Variants in CUBN observed in about 807,000 individuals in gnomAD.
CUBN encodes cubilin, also known as 460 kDa receptor.
A neutral mutation model predicts 405.3 loss-of-function variants in CUBN; 282 were observed. That is an observed-to-expected ratio of 0.70 (90% confidence interval 0.63 to 0.77). CUBN has a LOEUF of 0.77. CUBN is among the 30% of genes least tolerant of loss of function. The pLI is 0.00. For missense variants in CUBN, 4,514 were observed against 4,475.2 expected, an observed-to-expected ratio of 1.01 and a Z score of -0.25; for synonymous variants, 1,684 against 1,617.0, an observed-to-expected ratio of 1.04 and a Z score of -0.99.
intron 50 of CUBN, among the ~76,000 whole-genome samples, chr10:16,904,834 G>A (rs1009319705): frequency 2.6e-5 from 4 of 152,184 alleles, no homozygotes; most frequent in Non-Finnish European, 4.4e-5. Flanking sequence ...ACAAGCCGGT[G>A]GTTTTGAAAC....
chr10:17,052,235 A>G (rs1356975805), intron 22 of CUBN, among the ~76,000 whole-genome samples: 5 of 152,222 alleles, frequency 3.3e-5, no homozygotes, highest in Admixed American at 2.6e-4. Flanking sequence ...TTAGACAAAC[A>G]GAAGCTGACA....
At chr10:16,891,870 CA>C (rs1841019491) in intron 54 of CUBN, among the ~76,000 whole-genome samples, 1 of 152,002 alleles carries the variant, frequency 6.6e-6, no homozygotes, top group Non-Finnish European at 1.5e-5. Context: ...GGGTAGGGGC[CA>C]GGACTATTGC....
chr10:17,127,612 CCTA>C (rs1197665065), intron 3 of CUBN, among the ~76,000 whole-genome samples: 5 of 152,006 alleles, frequency 3.3e-5, no homozygotes, highest in Non-Finnish European at 7.4e-5. Flanking sequence ...CAGCCCAAGG[CCTA>C]CTTCTGCAAC....
chr10:16,908,922 C>T (rs113795872), intron 48 of CUBN, among the ~76,000 whole-genome samples: 15 of 136,498 alleles, frequency 1.1e-4, no homozygotes, highest in African/African-American at 3.5e-4. Context: ...GTCGCCCAGG[C>T]GGGACTGCGG....
chr10:16,905,463 T>C (rs1249449216), intron 50 of CUBN, among the ~76,000 whole-genome samples: 16 of 152,172 alleles, frequency 1.1e-4, no homozygotes, highest in African/African-American at 3.9e-4. Context: ...ATCTGGTATA[T>C]TGCAAAACTT....
intron 28 of CUBN, among the ~76,000 whole-genome samples, chr10:16,996,450 G>A (rs893313039): frequency 1.3e-5 from 2 of 152,212 alleles, no homozygotes; most frequent in Non-Finnish European, 2.9e-5. Context: ...GTTACAAGCT[G>A]TTGCTAAACC....
chr10:16,946,532 G>A (rs1410322757), intron 36 of CUBN, among the ~76,000 whole-genome samples: 1 of 113,184 alleles, frequency 8.8e-6, no homozygotes, highest in Non-Finnish European at 1.7e-5. Context: ...GTCTCACTCT[G>A]TTGCCCAAGC....
At chr10:16,987,589 C>T (rs1833461939) in intron 29 of CUBN, among the ~76,000 whole-genome samples, 1 of 152,124 alleles carries the variant, frequency 6.6e-6, no homozygotes, top group Non-Finnish European at 1.5e-5. Flanking sequence ...TTTTGTGAAA[C>T]CCAGGTAAGC....
intron 26 of CUBN, 57 bp downstream of exon 26, chr10:17,043,749 AGTATTCACACTTACTCTGCTG>A (rs1835063169): frequency 5.0e-6 from 8 of 1,586,474 alleles, no homozygotes; most frequent in East Asian, 4.5e-5. Flanking sequence ...TTACTCTGCC[AGTATTCACACTTACTCTGCTG>A]GTATTCACAC....
intron 54 of CUBN, among the ~76,000 whole-genome samples, chr10:16,897,264 G>A (rs1171323060): frequency 6.6e-6 from 1 of 152,022 alleles, no homozygotes; most frequent in Non-Finnish European, 1.5e-5. Flanking sequence ...GGAACTTTGG[G>A]TCCTATTCAA....
intron 22 of CUBN, among the ~76,000 whole-genome samples, chr10:17,057,017 T>C (rs11254351): frequency 0.087 from 13,263 of 152,046 alleles, 753 homozygotes; most frequent in South Asian, 0.25. Flanking sequence ...TGCCAGTGGC[T>C]AAAAATGAAA....
intron 29 of CUBN, among the ~76,000 whole-genome samples, chr10:16,985,484 C>A (rs557035314): frequency 6.6e-6 from 1 of 152,176 alleles, no homozygotes; most frequent in African/African-American, 2.4e-5. Flanking sequence ...CCTTCAAGTC[C>A]GTGTGTGACC....
At chr10:17,116,748 G>C (rs955578267) in intron 6 of CUBN, among the ~76,000 whole-genome samples, 32 of 152,186 alleles carry the variant, frequency 2.1e-4, no homozygotes, top group Non-Finnish European at 3.8e-4. Flanking sequence ...GCTTGCCTGT[G>C]GTGGGCCCCA....
intron 31 of CUBN, among the ~76,000 whole-genome samples, chr10:16,961,947 C>T (rs1400902040): frequency 2.0e-5 from 3 of 151,716 alleles, no homozygotes; most frequent in South Asian, 4.1e-4. Context: ...CTCCTGACCT[C>T]GTGATCCGCC....
At chr10:17,124,887 A>G (rs1837137341) in intron 4 of CUBN, among the ~76,000 whole-genome samples, 1 of 151,968 alleles carries the variant, frequency 6.6e-6, no homozygotes, top group Admixed American at 6.6e-5. Flanking sequence ...GCTGGAGTGC[A>G]GTGGTATGAT....
chr10:16,987,013 T>C (rs1166492710), intron 29 of CUBN, among the ~76,000 whole-genome samples: 1 of 152,214 alleles, frequency 6.6e-6, no homozygotes, highest in Non-Finnish European at 1.5e-5. Context: ...CATTATTTAC[T>C]TCCCTTCTTG....
At chr10:16,910,215 C>T (rs1841687120) in intron 48 of CUBN, among the ~76,000 whole-genome samples, 1 of 150,772 alleles carries the variant, frequency 6.6e-6, no homozygotes, top group African/African-American at 2.4e-5. Context: ...TTCTCCCTCT[C>T]TTCTCCCTCT....
At chr10:16,828,019 G>A (rs997124353) in intron 66 of CUBN, among the ~76,000 whole-genome samples, 15 of 152,104 alleles carry the variant, frequency 9.9e-5, no homozygotes, top group South Asian at 2.1e-4. Context: ...ACAAACTATC[G>A]GTCACCATTT....
At chr10:16,840,182 C>T (rs1354307817) in intron 62 of CUBN, 148 bp downstream of exon 62, 1 of 689,030 alleles carries the variant, frequency 1.5e-6, no homozygotes, top group Non-Finnish European at 2.5e-6. Context: ...ATGTAACAAA[C>T]TTGCACATTG....
Sources: gnomAD v4.1 joint callset for allele counts (sites outside exome capture counted in the v4.1 genomes callset) on GRCh38, gnomAD v4.1.1 for gene constraint, MANE v1.5 for transcripts, NCBI Gene and HGNC (gene_info 2026-07-23, HGNC 2026-07-21) for gene names.